CEP295: variants seen among roughly 807,000 people sequenced by gnomAD.
CEP295 encodes the protein centrosomal protein 295.
CEP295 carries 190 observed loss-of-function variants against 291.6 expected under a neutral mutation model. The observed-to-expected ratio is 0.65, with a 90% CI of 0.58 to 0.73. The LOEUF (loss-of-function observed/expected upper bound fraction) is 0.73, where lower values mean the gene tolerates loss of function less well. Ranked by LOEUF, CEP295 falls within the 30% of genes least tolerant of loss-of-function variation. The pLI is 0.00. For synonymous variants in CEP295, 993 were observed against 1,038.8 expected (o/e 0.96, Z 0.85); for missense variants, 2,863 against 2,949.4 (o/e 0.97, Z 0.68).
At chr11:93,687,890 T>G in intron 10 of CEP295, 25 bp downstream of exon 10, 2 of 1,501,224 alleles carry the variant, frequency 1.3e-6, no homozygotes, top group Non-Finnish European at 1.8e-6. Context: ...GAGTCTCATT[T>G]TCTATAAACC....
In CEP295 at chr11:93,697,118, G is replaced by A. The variant is rs973756409; in HGVS notation, c.2206G>A (p.Ala736Thr). Residue 736 changes from alanine to threonine, a missense_variant, in exon 15 of 30, where the codon GCT (alanine) becomes ACT (threonine). Physicochemically the swap from Ala to Thr is moderately conservative, Grantham distance 58 (BLOSUM62 0). This residue lies in a region of CEP295 where 2,295 missense variants were observed against 2,335.7 expected (regional missense o/e 0.98). Coordinates refer to ENST00000325212, the MANE Select transcript of CEP295 (RefSeq NM_033395.2). ...CAAAGATTCTGAGACACTTTCAAGG[G>A]CTTTGTCACATGACAGGCAGCTAAT... Reference protein sequence around the residue: ...VPKDSETLSRALSHDRQLISQ... With the variant: ...VPKDSETLSRTLSHDRQLISQ... 18 of 1,551,622 alleles carry A rather than the reference G, an allele frequency of 1.2e-5. No homozygotes were observed. Among genetic ancestry groups the A allele is most frequent in the Non-Finnish European group, 1.4e-5 (16 of 1,147,018 alleles).
At position 93,727,483 on chromosome 11, in the gene CEP295, C is replaced by T. The variant is rs1197402481; in HGVS notation, c.7007C>T (p.Ala2336Val). The change falls in exon 24 of 30, where the codon GCA becomes GTA. Residue 2336 changes from alanine (A) to valine (V), a missense_variant. Physicochemically the swap from Ala to Val is moderately conservative, Grantham distance 64 (BLOSUM62 0). Transcript: ENST00000325212. ...GTGGAGATGGGAACTTCAATTCAGG[C>T]ACCATATTCCTTAACTACTCAAAAT... is the stretch of plus-strand genomic sequence containing the variant. ...RTVEMGTSIQ[A>V]PYSLTTQNEK... 5.8e-6 allele frequency: 9 copies of T among 1,551,842 alleles called. 1 individual carries two copies. The South Asian group carries it at 8.3e-5, about 14-fold the overall frequency.
rs1954255328 is a variant in CEP295 at position 93,727,652 on chromosome 11, T to G, written c.7161+15T>G. On this transcript the variant is annotated intron_variant, in intron 24 of 29. Transcript: ENST00000325212. ...TACCAGTCTGGGTAAGTGAAATCAG[T>G]GTTGTATAAATAACATTTAAATTCC... 6.7e-7 allele frequency: 1 copy of G among 1,494,722 alleles called. No homozygotes were observed. Among genetic ancestry groups the G allele is most frequent in the Non-Finnish European group, 8.9e-7 (1 of 1,123,866 alleles). 92.6% of individuals were successfully genotyped at this position (1,494,722 alleles called of 1,614,324 possible).
chr11:93,709,935 C>T (rs1225401949), intron 18 of CEP295, among the ~76,000 whole-genome samples: 2 of 151,964 alleles, frequency 1.3e-5, no homozygotes, highest in East Asian at 3.9e-4. Context: ...GATTTCTTTT[C>T]AGGTGATTTG....
At chr11:93,687,561 C>T in intron 9 of CEP295, 83 bp from the exon 10 acceptor site, 1 of 699,698 alleles carries the variant, frequency 1.4e-6, no homozygotes, top group Non-Finnish European at 2.3e-6. Flanking sequence ...GTGGTTATAG[C>T]AGTAACCGAA....
intron 11 of CEP295, 59 bp downstream of exon 11, chr11:93,691,834 T>TA: frequency 7.7e-7 from 1 of 1,296,254 alleles, no homozygotes; most frequent in Non-Finnish European, 1.1e-6. Flanking sequence ...TTTTTTTAAA[T>TA]AAAATTACAT....
At chr11:93,713,309 G>C (rs1953035447) in intron 18 of CEP295, among the ~76,000 whole-genome samples, 1 of 152,086 alleles carries the variant, frequency 6.6e-6, no homozygotes, top group Non-Finnish European at 1.5e-5. Flanking sequence ...TGTACCTTCA[G>C]ATCATTTTTT....
intron 18 of CEP295, among the ~76,000 whole-genome samples, chr11:93,713,797 T>C (rs1327423200): frequency 6.6e-6 from 1 of 152,184 alleles, no homozygotes; most frequent in African/African-American, 2.4e-5. Context: ...AGCTCATAGA[T>C]TTACCCTTTT....
At chr11:93,729,386 G>A (rs1042882857) in intron 25 of CEP295, 48 bp from the exon 26 acceptor site, 35 of 1,301,840 alleles carry the variant, frequency 2.7e-5, no homozygotes, top group Middle Eastern at 2.1e-4. Flanking sequence ...AGCAAGACCC[G>A]CTTAAAGCGT....
Position 93,684,492 on chromosome 11 carries a change from T to C in CEP295, c.1114+364T>C, listed in dbSNP as rs78633405. On this transcript the variant is annotated intron_variant, in intron 9 of 29. Transcript: ENST00000325212. ...ACACACCTGAATGTGTGTTCTGAGC[T>C]AGGGAATCTGGGAGTAGCCAACCTG... is the stretch of plus-strand genomic sequence containing the variant. 3.1e-3 allele frequency among the ~76,000 whole-genome samples: 477 copies of C among 152,278 alleles called. 3 individuals are homozygous for C. The highest frequency in any genetic ancestry group is 0.011 in the African/African-American group (465 of 41,556).
rs1565231365 is a variant in CEP295 at position 93,729,796 on chromosome 11, T to A, written c.7567+15T>A. ...ACCATCTATAAGTATGTTGAATTTTTAAAATCTTCAACCAACTCCCTGAAA... is the reference window on the plus strand; with the variant it reads ...ACCATCTATAAGTATGTTGAATTTTAAAAATCTTCAACCAACTCCCTGAAA... On this transcript the variant is annotated intron_variant, in intron 27 of 29. Transcript: ENST00000325212. The A allele has an allele frequency of 3.3e-6, 5 of 1,536,938 alleles. No homozygotes were observed. The South Asian group carries it at 3.7e-5, about 11-fold the overall frequency.
chr11:93,728,235 G>A (rs2509840), intron 24 of CEP295: 139,823 of 154,690 alleles, frequency 0.9, 64,357 homozygotes, highest in Non-Finnish European at 0.99. Context: ...ACTAAACCAC[G>A]TTTTATGTGG....
chr11:93,708,120 A>G (rs967460767), intron 18 of CEP295, among the ~76,000 whole-genome samples: 3 of 152,156 alleles, frequency 2.0e-5, no homozygotes, highest in African/African-American at 7.2e-5. Flanking sequence ...AATGTGTAAT[A>G]TTCACATCAT....
chr11:93,692,081 A>G (rs931324262), intron 12 of CEP295, 51 bp downstream of exon 12: 5 of 1,028,686 alleles, frequency 4.9e-6, no homozygotes, highest in Non-Finnish European at 7.2e-6. Context: ...AGGTACTATT[A>G]TATAATTTTG....
intron 5 of CEP295, among the ~76,000 whole-genome samples, chr11:93,671,202 A>G (rs187261147): frequency 3.5e-4 from 53 of 152,320 alleles, no homozygotes; most frequent in African/African-American, 1.2e-3. Context: ...TTAGGAAAAC[A>G]GGATATATTC....
At chr11:93,729,399 A>C (rs892553139) in intron 25 of CEP295, 35 bp from the exon 26 acceptor site, 16 of 1,429,502 alleles carry the variant, frequency 1.1e-5, no homozygotes, top group Non-Finnish European at 1.5e-5. Context: ...TAAAGCGTTT[A>C]AAAAGAGTAA....
chr11:93,716,331 G>A (rs1308440150), intron 18 of CEP295, among the ~76,000 whole-genome samples: 2 of 152,116 alleles, frequency 1.3e-5, no homozygotes, highest in African/African-American at 2.4e-5. Context: ...TTCTCTCTCC[G>A]CACCATGTGG....
In CEP295 at chr11:93,691,914, G is replaced by T. The variant is rs1001072108; in HGVS notation, c.1430-13G>T. 1.3e-6 allele frequency: 2 copies of T among 1,496,066 alleles called. No homozygotes were observed. Among genetic ancestry groups the T allele is most frequent in the African/African-American group, 2.8e-5 (2 of 71,514 alleles). The allele number at this position is 1,496,066 out of a possible 1,614,324, so 92.7% of individuals were successfully genotyped here. A position where few individuals can be genotyped will look rare whatever the true frequency, so the allele number is the denominator to read the frequency against. Reference sequence around the variant, plus strand: ...ATTATTGAAACTAATTTTTGTTTGGGGCATTCCCCTAGAAATAAATGAGAC... The same window carrying T: ...ATTATTGAAACTAATTTTTGTTTGGTGCATTCCCCTAGAAATAAATGAGAC... On this transcript the variant is annotated splice_polypyrimidine_tract_variant and intron_variant, in intron 11 of 29. Transcript: ENST00000325212.
chr11:93,701,442 A>G (rs549719901), intron 15 of CEP295, among the ~76,000 whole-genome samples: 1 of 152,350 alleles, frequency 6.6e-6, no homozygotes, highest in South Asian at 2.1e-4. Flanking sequence ...TTTGATGTCG[A>G]GAAGAAGCTT....
Sources: allele counts gnomAD v4.1 joint callset (sites outside exome capture counted in the v4.1 genomes callset), GRCh38; gene constraint gnomAD v4.1.1; regional missense constraint gnomAD v4.1.1; transcripts MANE v1.5; gene names NCBI Gene and HGNC (gene_info 2026-07-23, HGNC 2026-07-21).